M1AP: variants seen among roughly 807,000 people sequenced by gnomAD.
The protein encoded by M1AP is meiosis 1 arrest protein.
M1AP carries 39 observed loss-of-function variants against 51.2 expected under a neutral mutation model. The ratio of observed to expected loss-of-function variants is 0.76; its 90% CI spans 0.59 to 1.00. The LOEUF is 1.00. Among genes scored for constraint, M1AP ranks in the 50% least tolerant of loss-of-function variants. M1AP has a pLI of 0.00. For missense variants in M1AP, 545 were observed against 641.2 expected (o/e 0.85, Z 1.62); for synonymous variants, 251 against 249.2 (o/e 1.01, Z -0.07).
At chr2:74,628,572 G>T in intron 2 of M1AP, 1 of 560,888 alleles carries the variant, frequency 1.8e-6, no homozygotes, top group Non-Finnish European at 3.3e-6. Flanking sequence ...AAAGATTCTT[G>T]ATTCAGCTTC....
chr2:74,640,017 T>C lies in M1AP; in HGVS notation c.240+19A>G, dbSNP rs1438151928. The C allele has an allele frequency of 6.2e-7, 1 of 1,604,972 alleles. No homozygotes were observed. Among genetic ancestry groups the C allele is most frequent in the Non-Finnish European group, 8.5e-7 (1 of 1,172,672 alleles). ...GTATTTGCTTTCAGGGTAAAATGAA[T>C]AAATATAGATATACTTACCACAAAA... On this transcript the variant is annotated intron_variant, in intron 2 of 10. Transcript: ENST00000421985.
chr2:74,588,494 T>G (rs867247986), intron 4 of M1AP, among the ~76,000 whole-genome samples: 3 of 152,230 alleles, frequency 2.0e-5, no homozygotes, highest in African/African-American at 4.8e-5. Flanking sequence ...CAGTGCAGCA[T>G]CATCCAACCA....
chr2:74,560,251 G>C lies in M1AP; in HGVS notation c.1322C>G (p.Pro441Arg), dbSNP rs1171429662. The C allele has an allele frequency of 1.2e-6, 2 of 1,613,282 alleles. No homozygotes were observed. The highest frequency in any genetic ancestry group is 1.1e-5 in the South Asian group (1 of 90,962). ...DSLELEPTYN[P>R]LHVQSHLYSH... is the part of the protein sequence containing the mutation. ...GTACAGGTGGCTTTGAACATGCAAGGGGTTGTAGGTGGGCTCCAGCTCCAG... is the reference window on the plus strand; with the variant it reads ...GTACAGGTGGCTTTGAACATGCAAGCGGTTGTAGGTGGGCTCCAGCTCCAG... Residue 441 changes from proline to arginine, a missense_variant, in exon 9 of 11, where the codon CCC becomes CGC. Coordinates refer to ENST00000421985, the MANE Select transcript of M1AP (RefSeq NM_001321739.2).
chr2:74,639,327 A>C (rs1344189226), intron 2 of M1AP, among the ~76,000 whole-genome samples: 1 of 152,248 alleles, frequency 6.6e-6, no homozygotes, highest in African/African-American at 2.4e-5. Context: ...TATCCATTTG[A>C]TAACGTATAT....
At chr2:74,634,523 C>T (rs574996431) in intron 2 of M1AP, among the ~76,000 whole-genome samples, 15 of 152,280 alleles carry the variant, frequency 9.9e-5, no homozygotes, top group South Asian at 2.1e-4. Context: ...AATTTCATTT[C>T]TTCGTGTCCA....
chr2:74,610,169 T>G (rs1279478690), intron 3 of M1AP, among the ~76,000 whole-genome samples: 1 of 148,238 alleles, frequency 6.7e-6, no homozygotes, highest in East Asian at 1.9e-4. Flanking sequence ...GCCTGGCTTA[T>G]TTTTGTATTT....
chr2:74,613,328 C>G (rs140580346), intron 3 of M1AP, among the ~76,000 whole-genome samples: 1 of 152,044 alleles, frequency 6.6e-6, no homozygotes, highest in African/African-American at 2.4e-5. Context: ...TCTTTTAGTA[C>G]GCTTTTCATA....
intron 4 of M1AP, among the ~76,000 whole-genome samples, chr2:74,599,584 C>T (rs1024260568): frequency 6.6e-6 from 1 of 152,132 alleles, no homozygotes; most frequent in Non-Finnish European, 1.5e-5. Flanking sequence ...TTCTGGACTT[C>T]TCTAATCCAT....
chr2:74,628,164 C>G (rs1414004621), intron 2 of M1AP, among the ~76,000 whole-genome samples: 1 of 152,074 alleles, frequency 6.6e-6, no homozygotes, highest in African/African-American at 2.4e-5. Flanking sequence ...GAAATAAAAA[C>G]AATACGAAAA....
chr2:74,621,372 C>A (rs1014866807), intron 2 of M1AP, among the ~76,000 whole-genome samples: 2 of 152,078 alleles, frequency 1.3e-5, no homozygotes, highest in African/African-American at 4.8e-5. Flanking sequence ...CTGATCCAGC[C>A]GGGCCTCTGT....
chr2:74,589,386 A>G (rs1679907467), intron 4 of M1AP, among the ~76,000 whole-genome samples: 1 of 152,252 alleles, frequency 6.6e-6, no homozygotes, highest in Non-Finnish European at 1.5e-5. Flanking sequence ...CTTGCTTTGA[A>G]GAAGGGTGGG....
intron 2 of M1AP, among the ~76,000 whole-genome samples, chr2:74,616,969 G>A (rs948629913): frequency 1.3e-5 from 2 of 152,076 alleles, no homozygotes; most frequent in African/African-American, 4.8e-5. Flanking sequence ...TGAGTTTATT[G>A]CATCATTATA....
chr2:74,612,394 A>T (rs1014737374), intron 3 of M1AP, among the ~76,000 whole-genome samples: 29 of 152,018 alleles, frequency 1.9e-4, no homozygotes, highest in African/African-American at 6.3e-4. Flanking sequence ...AATTTAAAAA[A>T]TTTTTTGTAG....
At chr2:74,569,922 G>GTA (rs1022729502) in intron 7 of M1AP, among the ~76,000 whole-genome samples, 1 of 151,726 alleles carries the variant, frequency 6.6e-6, no homozygotes, top group Admixed American at 6.6e-5. Flanking sequence ...GTGTGTGTGT[G>GTA]TGTGTGTGTG....
At chr2:74,586,128 TG>T (rs1350861806) in intron 4 of M1AP, among the ~76,000 whole-genome samples, 2 of 152,268 alleles carry the variant, frequency 1.3e-5, no homozygotes, top group Non-Finnish European at 2.9e-5. Context: ...ACCTCCTTCA[TG>T]AAGTCTGCCA....
At chr2:74,591,499 T>C (rs1272148791) in intron 4 of M1AP, among the ~76,000 whole-genome samples, 1 of 152,112 alleles carries the variant, frequency 6.6e-6, no homozygotes, top group African/African-American at 2.4e-5. Flanking sequence ...TGGGAAGAAA[T>C]ATTGTCATAG....
intron 7 of M1AP, among the ~76,000 whole-genome samples, chr2:74,564,597 G>C (rs1678254640): frequency 6.6e-6 from 1 of 152,206 alleles, no homozygotes; most frequent in African/African-American, 2.4e-5. Context: ...TTAGCATTTT[G>C]CTTCTATCTA....
At chr2:74,588,823 G>A (rs1679867711) in intron 4 of M1AP, among the ~76,000 whole-genome samples, 1 of 152,222 alleles carries the variant, frequency 6.6e-6, no homozygotes, top group Admixed American at 6.5e-5. Flanking sequence ...TTCTCAGAGA[G>A]AGAGAACTGT....
intron 5 of M1AP, among the ~76,000 whole-genome samples, chr2:74,577,882 A>G (rs1324775166): frequency 6.6e-6 from 1 of 152,158 alleles, no homozygotes; most frequent in East Asian, 1.9e-4. Context: ...TAGGGCAGCA[A>G]TCCTCAATCA....
Sources: allele counts gnomAD v4.1 joint callset (sites outside exome capture counted in the v4.1 genomes callset), GRCh38; gene constraint gnomAD v4.1.1; transcripts MANE v1.5; gene names NCBI Gene and HGNC (gene_info 2026-07-23, HGNC 2026-07-21).